Variants in TTC7A observed in about 807,000 individuals in gnomAD.
TTC7A encodes the protein tetratricopeptide repeat protein 7A.
In TTC7A, 110 loss-of-function variants were observed where a neutral mutation model predicts 103.7. That is an observed-to-expected ratio of 1.06 (90% CI 0.91 to 1.24). TTC7A has a LOEUF of 1.24. TTC7A is among the 50% of genes most tolerant of loss of function. The pLI is 0.00. For synonymous variants in TTC7A, 521 were observed against 467.9 expected, an observed-to-expected ratio of 1.11 and a Z score of -1.47; for missense variants, 1,340 against 1,116.3, an observed-to-expected ratio of 1.20 and a Z score of -2.86.
At chr2:47,005,800 T>C in intron 8 of TTC7A, 122 bp from the exon 9 acceptor site, 1 of 1,079,952 alleles carries the variant, frequency 9.3e-7, no homozygotes, top group Non-Finnish European at 1.4e-6. Flanking sequence ...TGGCCATCTT[T>C]CTGGCTTGGG....
intron 8 of TTC7A, among the ~76,000 whole-genome samples, chr2:47,003,133 CAG>C (rs781158776): frequency 2.0e-5 from 3 of 152,308 alleles, no homozygotes; most frequent in East Asian, 1.9e-4. Context: ...CTAGGGTGGA[CAG>C]GGGGAGGTTT....
chr2:46,925,221 G>T (rs1402453639), intron 2 of TTC7A, among the ~76,000 whole-genome samples: 6 of 152,164 alleles, frequency 3.9e-5, no homozygotes, highest in Admixed American at 2.0e-4. Flanking sequence ...ATCCTGAGTA[G>T]CTGGGACTAC....
intron 8 of TTC7A, among the ~76,000 whole-genome samples, chr2:47,000,290 T>A (rs1463414512): frequency 1.3e-5 from 2 of 151,830 alleles, no homozygotes; most frequent in Non-Finnish European, 2.9e-5. Context: ...TGGGCTTGAT[T>A]CCATTAGGGA....
At chr2:46,935,285 A>G (rs1483196870) in intron 2 of TTC7A, among the ~76,000 whole-genome samples, 1 of 152,114 alleles carries the variant, frequency 6.6e-6, no homozygotes, top group Non-Finnish European at 1.5e-5. Flanking sequence ...TTTCATCCTG[A>G]GCCCAGGAGT....
intron 18 of TTC7A, among the ~76,000 whole-genome samples, chr2:47,056,848 T>G (rs1427818790): frequency 6.6e-6 from 1 of 152,036 alleles, no homozygotes; most frequent in Non-Finnish European, 1.5e-5. Flanking sequence ...CATGAAGGAA[T>G]GGAGGGGCCC....
rs780403363 is a variant in TTC7A at position 46,978,839 on chromosome 2, T to G, written c.696T>G (p.Leu232=). ...GGCATCTGAAAGGCTGTCACCCGCT[T>G]GACTATGAGCTCACCTACTTCCTGG... ...TSRHLKGCHP[L]DYELTYFLEA... Residue 232 remains leucine, a synonymous_variant, in exon 5 of 20, where the codon CTT becomes CTG. Transcript: ENST00000319190. The G allele has an allele frequency of 6.2e-7, 1 of 1,614,106 alleles. No homozygotes were observed. The highest frequency in any genetic ancestry group is 8.5e-7 in the Non-Finnish European group (1 of 1,179,990).
At chr2:46,954,980 G>A (rs1272282884) in intron 2 of TTC7A, among the ~76,000 whole-genome samples, 1 of 152,028 alleles carries the variant, frequency 6.6e-6, no homozygotes, top group Admixed American at 6.6e-5. Context: ...TGGTCCTCCA[G>A]GAACCGCCAC....
intron 19 of TTC7A, chr2:47,071,199 C>T (rs979423533): frequency 6.6e-6 from 1 of 152,332 alleles, no homozygotes; most frequent in African/African-American, 2.4e-5. Flanking sequence ...CGCTGAGTTG[C>T]TACCAAACAT....
Position 46,995,201 on chromosome 2 carries a change from T to A in TTC7A, c.1065+2T>A, listed in dbSNP as rs1271486731. On this transcript the variant is annotated splice_donor_variant, in intron 8 of 19. Coordinates refer to ENST00000319190, the MANE Select transcript of TTC7A (RefSeq NM_020458.4). LOFTEE classifies it high-confidence loss of function. Reference sequence around the variant, plus strand: ...CTCCTCCTCATCAGCGAATCCATGGTAAGCTCCAGGATGTCCTTCAGGGGC... The same window carrying A: ...CTCCTCCTCATCAGCGAATCCATGGAAAGCTCCAGGATGTCCTTCAGGGGC... The A allele has an allele frequency of 6.2e-7, 1 of 1,614,002 alleles. No individual in the cohort carries two copies.
rs1670427241 is a variant in TTC7A, at chr2:46,941,818, G to C, written c.184+93G>C. On this transcript the variant is annotated intron_variant, in intron 1 of 19. Coordinates refer to ENST00000319190, the MANE Select transcript of TTC7A (RefSeq NM_020458.4). This position sits in a 1 kb window ranked among gnomAD's most constrained non-coding sequence, Gnocchi z 4.2. ...GCGCCCAGACAGTCCTCGGCCGACA[G>C]CGGGCGCCTGCCAGCCCACCGTGCT... 5 of 1,481,608 alleles carry C rather than the reference G, an allele frequency of 3.4e-6. No homozygotes were observed. The highest frequency in any genetic ancestry group is 3.7e-6 in the Non-Finnish European group (4 of 1,095,796). The allele number at this position is 1,481,608 out of a possible 1,614,324, so 91.8% of individuals were successfully genotyped here. A position where few individuals can be genotyped will look rare whatever the true frequency, so the allele number is the denominator to read the frequency against.
chr2:47,074,147 G>A lies in TTC7A; in HGVS notation c.*224G>A, dbSNP rs1685027111. On this transcript the variant is annotated 3_prime_UTR_variant, in exon 20 of 20. Transcript: ENST00000319190. The stretch of plus-strand genomic sequence containing the variant: ...AAACAGTCTGACTTGAACCCTAAGT[G>A]CCTTTGGAGAGTTTTGTGGTGACCA... 3.5e-6 allele frequency: 2 copies of A among 577,956 alleles called. No homozygotes were observed. The highest frequency in any genetic ancestry group is 6.2e-6 in the Non-Finnish European group (2 of 323,456). The allele number at this position is 577,956 out of a possible 1,614,324, so 35.8% of individuals were successfully genotyped here. A position where few individuals can be genotyped will look rare whatever the true frequency, so the allele number is the denominator to read the frequency against.
At chr2:46,970,845 C>T (rs1015316256) in intron 3 of TTC7A, among the ~76,000 whole-genome samples, 7 of 152,222 alleles carry the variant, frequency 4.6e-5, no homozygotes, top group Non-Finnish European at 8.8e-5. Flanking sequence ...CAGTCGTTGA[C>T]ACCCAGTGTC....
At chr2:47,031,136 G>T (rs757607763) in intron 15 of TTC7A, among the ~76,000 whole-genome samples, 4 of 152,158 alleles carry the variant, frequency 2.6e-5, no homozygotes. Flanking sequence ...GACAGAGCGA[G>T]ACTCAGTCTC....
chr2:47,022,827 C>T lies in TTC7A; in HGVS notation c.1511-581C>T, dbSNP rs17036119. 5.0e-3 allele frequency among the ~76,000 whole-genome samples: 756 copies of T among 152,336 alleles called. 5 individuals carry two copies. Among genetic ancestry groups the T allele is most frequent in the African/African-American group, 0.017 (701 of 41,570 alleles). On this transcript the variant is annotated intron_variant, in intron 12 of 19. Transcript: ENST00000319190. ...CTTGTCCTTTTAACTCTACAAATAGCGGTTGCTTTCTAAGCTTTCGAATCC... is the reference window on the plus strand; with the variant it reads ...CTTGTCCTTTTAACTCTACAAATAGTGGTTGCTTTCTAAGCTTTCGAATCC...
chr2:47,057,330 G>A (rs1683402018), intron 18 of TTC7A, among the ~76,000 whole-genome samples: 1 of 152,214 alleles, frequency 6.6e-6, no homozygotes, highest in African/African-American at 2.4e-5. Context: ...ACTGGGAATG[G>A]AGCCCATCAG....
At position 46,941,594 on chromosome 2, in the gene TTC7A, A is replaced by G; in HGVS notation, c.53A>G (p.Glu18Gly). The G allele has an allele frequency of 1.9e-6, 3 of 1,557,304 alleles. No homozygotes were observed. The highest frequency in any genetic ancestry group is 2.6e-6 in the Non-Finnish European group (3 of 1,151,174). The change falls in exon 1 of 20, where the codon GAG becomes GGG. Residue 18 changes from glutamate (E) to glycine (G), a missense_variant. Physicochemically the swap from Glu to Gly is moderately conservative, Grantham distance 98 (BLOSUM62 -2). Transcript: ENST00000319190. The surrounding 1 kb of genome is among the most constrained non-coding windows in gnomAD (Gnocchi z 4.2). Reference protein sequence around the residue: ...GSYLKVESELERCRAEGHWDR... With the variant: ...GSYLKVESELGRCRAEGHWDR... ...TACCTGAAGGTGGAGAGCGAGCTGG[A>G]GCGCTGCCGCGCCGAGGGCCACTGG...
chr2:47,056,443 G>A (rs1350695379), intron 18 of TTC7A, among the ~76,000 whole-genome samples: 2 of 152,330 alleles, frequency 1.3e-5, no homozygotes, highest in Non-Finnish European at 2.9e-5. Context: ...GGCCTTGGGG[G>A]TGGGCCCAGG....
chr2:46,993,567 T>A, intron 6 of TTC7A, 39 bp downstream of exon 6: 1 of 1,592,052 alleles, frequency 6.3e-7, no homozygotes, highest in Non-Finnish European at 8.6e-7. Flanking sequence ...TATTTAGGAG[T>A]CAGCTTTGGT....
At chr2:46,935,906 C>A (rs1489916486) in intron 2 of TTC7A, among the ~76,000 whole-genome samples, 1 of 151,944 alleles carries the variant, frequency 6.6e-6, no homozygotes, top group Non-Finnish European at 1.5e-5. Flanking sequence ...GCCTGGGCAA[C>A]ATAGCAAGAT....
Sources: allele counts gnomAD v4.1 joint callset (sites outside exome capture counted in the v4.1 genomes callset), GRCh38; gene constraint gnomAD v4.1.1; non-coding constraint Gnocchi (gnomAD v3.1); transcripts MANE v1.5; gene names NCBI Gene and HGNC (gene_info 2026-07-23, HGNC 2026-07-21).